CDH18: variants seen among roughly 807,000 people sequenced by gnomAD.
CDH18 encodes the protein cadherin-18.
In CDH18, 31 loss-of-function variants were observed where a neutral mutation model predicts 67.9. The ratio of observed to expected loss-of-function variants is 0.46; its 90% confidence interval spans 0.34 to 0.62. CDH18 has a LOEUF of 0.62. CDH18 is among the 20% of genes least tolerant of loss of function. The pLI is 0.01. For synonymous variants in CDH18, 362 were observed against 347.2 expected, an observed-to-expected ratio of 1.04 and a Z score of -0.48; for missense variants, 890 against 975.5, an observed-to-expected ratio of 0.91 and a Z score of 1.17.
chr5:19,551,696 A>G, intron 8 of CDH18, among the ~76,000 whole-genome samples: 1 of 152,148 alleles, frequency 6.6e-6, no homozygotes, highest in East Asian at 1.9e-4. Flanking sequence ...TATTTTGATA[A>G]GACAGTTCAT....
intron 2 of CDH18, among the ~76,000 whole-genome samples, chr5:20,125,653 C>T (rs2164433): frequency 0.99 from 150,163 of 152,252 alleles, 74,101 homozygotes; most frequent in Middle Eastern, 1. Flanking sequence ...ACATGGACCT[C>T]TGTTTAAATG....
chr5:20,496,437 A>G lies in CDH18; in HGVS notation c.-580+79025T>C, dbSNP rs553320593. Reference sequence around the variant, plus strand: ...ATTAATGTCTGCCAATCCAAAAATAAAGGAAAATTAATAACACTGTAATCC... The same window carrying G: ...ATTAATGTCTGCCAATCCAAAAATAGAGGAAAATTAATAACACTGTAATCC... On this transcript the variant is annotated intron_variant, in intron 1 of 14. Coordinates refer to the CDH18 transcript ENST00000507958. Among the ~76,000 whole-genome samples the G allele has an allele frequency of 6.9e-4, 105 of 152,324 alleles. 1 individual carries two copies. Among genetic ancestry groups the G allele is most frequent in the African/African-American group, 2.5e-3 (104 of 41,590 alleles).
intron 8 of CDH18, among the ~76,000 whole-genome samples, chr5:19,567,396 G>A (rs1740611363): frequency 6.6e-6 from 1 of 152,246 alleles, no homozygotes; most frequent in East Asian, 1.9e-4. Flanking sequence ...AAGTCAGGAA[G>A]CTTTTCACAA....
At chr5:19,913,150 T>A (rs374604054) in intron 2 of CDH18, among the ~76,000 whole-genome samples, 1 of 152,178 alleles carries the variant, frequency 6.6e-6, no homozygotes, top group Non-Finnish European at 1.5e-5. Flanking sequence ...GATACTTTTA[T>A]GTTTTATGCT....
At chr5:19,570,003 T>C (rs1741105894) in intron 8 of CDH18, among the ~76,000 whole-genome samples, 1 of 152,156 alleles carries the variant, frequency 6.6e-6, no homozygotes, top group African/African-American at 2.4e-5. Flanking sequence ...TCAATGTTTA[T>C]TTAATATTTT....
intron 1 of CDH18, among the ~76,000 whole-genome samples, chr5:20,534,126 T>G (rs1756573455): frequency 6.6e-6 from 1 of 152,072 alleles, no homozygotes; most frequent in South Asian, 2.1e-4. Context: ...CATCTCTCCT[T>G]GTTTGCCAAA....
chr5:20,036,681 T>C (rs995144769), intron 2 of CDH18, among the ~76,000 whole-genome samples: 1 of 152,112 alleles, frequency 6.6e-6, no homozygotes, highest in Non-Finnish European at 1.5e-5. Flanking sequence ...TAATTTTCTG[T>C]CTCATTCATC....
At chr5:20,489,346 A>G (rs565072647) in intron 1 of CDH18, among the ~76,000 whole-genome samples, 1 of 152,210 alleles carries the variant, frequency 6.6e-6, no homozygotes, top group South Asian at 2.1e-4. Flanking sequence ...AAGATTATAC[A>G]TGTGGGTAAA....
intron 1 of CDH18, among the ~76,000 whole-genome samples, chr5:20,258,356 A>G (rs1744399444): frequency 6.6e-6 from 1 of 152,094 alleles, no homozygotes; most frequent in Non-Finnish European, 1.5e-5. Context: ...TCCAGTAACT[A>G]TTTCTTCATC....
At chr5:19,948,045 C>T (rs1298864467) in intron 2 of CDH18, among the ~76,000 whole-genome samples, 2 of 152,102 alleles carry the variant, frequency 1.3e-5, no homozygotes, top group African/African-American at 4.8e-5. Context: ...ATATCATTAG[C>T]TATCGAGGAA....
At chr5:19,541,119 G>A (rs116800274) in intron 9 of CDH18, among the ~76,000 whole-genome samples, 2,328 of 152,170 alleles carry the variant, frequency 0.015, 48 homozygotes, top group African/African-American at 0.052. Flanking sequence ...CTAGGGCAGG[G>A]GCAAAAAGCT....
intron 2 of CDH18, among the ~76,000 whole-genome samples, chr5:20,093,366 T>TG (rs1363918793): frequency 6.6e-6 from 1 of 151,910 alleles, no homozygotes; most frequent in African/African-American, 2.4e-5. Context: ...CTTTTTTTTT[T>TG]TCTGTTCTAG....
chr5:19,702,234 C>T (rs1176560153), intron 5 of CDH18, among the ~76,000 whole-genome samples: 10 of 151,024 alleles, frequency 6.6e-5, no homozygotes, highest in African/African-American at 1.2e-4. Context: ...CTGCAACCCC[C>T]GCCTCCAGGG....
chr5:19,674,190 A>G (rs1027237038), intron 5 of CDH18, among the ~76,000 whole-genome samples: 10 of 152,244 alleles, frequency 6.6e-5, no homozygotes, highest in Admixed American at 2.0e-4. Flanking sequence ...AATGTTTTTC[A>G]CTAGAATATG....
chr5:20,197,214 G>A (rs1334137095), intron 2 of CDH18, among the ~76,000 whole-genome samples: 1 of 152,078 alleles, frequency 6.6e-6, no homozygotes, highest in Non-Finnish European at 1.5e-5. Flanking sequence ...GTTTCACCAT[G>A]TTCCCCAGGC....
chr5:20,051,388 C>G (rs1333528648), intron 2 of CDH18, among the ~76,000 whole-genome samples: 1 of 151,754 alleles, frequency 6.6e-6, no homozygotes, highest in Non-Finnish European at 1.5e-5. Context: ...ATATTTCTAC[C>G]ACTATATTTT....
At chr5:19,705,714 T>C (rs1462650978) in intron 5 of CDH18, among the ~76,000 whole-genome samples, 1 of 152,122 alleles carries the variant, frequency 6.6e-6, no homozygotes, top group African/African-American at 2.4e-5. Context: ...ACTACTGTGA[T>C]AGGAAATGGG....
In CDH18 at chr5:19,555,272, C is replaced by A. The variant is rs151242079; in HGVS notation, c.1254-11267G>T. 2.7e-3 allele frequency among the ~76,000 whole-genome samples: 407 copies of A among 152,294 alleles called. 3 individuals are homozygous for A. Among genetic ancestry groups the A allele is most frequent in the African/African-American group, 8.8e-3 (367 of 41,562 alleles). ...ATACCAGGAAAGCCAAGAGAATCCACAGACCCTTTGAAAGAGGTGGACTGC... is the reference window on the plus strand; with the variant it reads ...ATACCAGGAAAGCCAAGAGAATCCAAAGACCCTTTGAAAGAGGTGGACTGC... On this transcript the variant is annotated intron_variant, in intron 8 of 12. Transcript: ENST00000382275.
chr5:20,040,586 A>T (rs1437022952), intron 2 of CDH18, among the ~76,000 whole-genome samples: 1 of 152,162 alleles, frequency 6.6e-6, no homozygotes, highest in Non-Finnish European at 1.5e-5. Context: ...AATATATAAA[A>T]AGCATCCTGG....
Sources: allele counts gnomAD v4.1 joint callset (sites outside exome capture counted in the v4.1 genomes callset), GRCh38; gene constraint gnomAD v4.1.1; transcripts MANE v1.5; gene names NCBI Gene and HGNC (gene_info 2026-07-23, HGNC 2026-07-21).